RELN: variants seen among roughly 807,000 people sequenced by gnomAD.
RELN encodes the protein reelin.
A neutral mutation model predicts 427.6 loss-of-function variants in RELN; 108 were observed. The ratio of observed to expected loss-of-function variants is 0.25; its 90% CI spans 0.22 to 0.30. The LOEUF (loss-of-function observed/expected upper bound fraction) is 0.30. RELN is among the 10% of genes least tolerant of loss of function. RELN has a pLI of 1.00. For missense variants in RELN, 3,715 were observed against 4,302.8 expected (o/e 0.86, Z 3.82); for synonymous variants, 1,524 against 1,513.4 (o/e 1.01, Z -0.16).
intron 1 of RELN, among the ~76,000 whole-genome samples, chr7:103,939,588 A>G (rs1757274017): frequency 6.6e-6 from 1 of 152,222 alleles, no homozygotes; most frequent in Non-Finnish European, 1.5e-5. Flanking sequence ...AATATGCATC[A>G]AGACCTTTAA....
At chr7:103,677,405 TATAATAATAATAATAATAATAATAATA>T (rs370333905) in intron 11 of RELN, among the ~76,000 whole-genome samples, 1 of 134,438 alleles carries the variant, frequency 7.4e-6, no homozygotes, top group African/African-American at 2.8e-5. Flanking sequence ...GAACTTAAAG[TATAATAATAATAATAATAATAATAATA>T]ATAATAATAA....
At chr7:103,772,554 G>C (rs977039344) in intron 4 of RELN, among the ~76,000 whole-genome samples, 10 of 152,142 alleles carry the variant, frequency 6.6e-5, no homozygotes, top group African/African-American at 2.4e-4. Flanking sequence ...TTATGTATGA[G>C]GGTTGTCTAG....
chr7:103,563,848 C>T lies in RELN; in HGVS notation c.5210+1430G>A, dbSNP rs1830689937. 6.6e-6 allele frequency among the ~76,000 whole-genome samples: 1 copy of T among 152,196 alleles called. No homozygotes were observed. The highest frequency in any genetic ancestry group is 2.4e-5 in the African/African-American group (1 of 41,454). On this transcript the variant is annotated intron_variant, in intron 34 of 64. Transcript: ENST00000428762. The surrounding 1 kb of genome is among the most constrained non-coding windows in gnomAD (Gnocchi z 4.1). ...AATACTTGGAATTATGTTACAATTGCTTACAGTATTTAGTATAGCAATATG... is the reference window on the plus strand; with the variant it reads ...AATACTTGGAATTATGTTACAATTGTTTACAGTATTTAGTATAGCAATATG...
intron 3 of RELN, among the ~76,000 whole-genome samples, chr7:103,813,405 A>C (rs2116346489): frequency 6.6e-6 from 1 of 152,246 alleles, no homozygotes; most frequent in Non-Finnish European, 1.5e-5. Context: ...TCTCTGAAAT[A>C]AGTTAGGAAA....
chr7:103,938,166 C>T (rs1563101495), intron 1 of RELN, among the ~76,000 whole-genome samples: 2 of 151,868 alleles, frequency 1.3e-5, no homozygotes, highest in Non-Finnish European at 2.9e-5. Flanking sequence ...ACTAAAAATA[C>T]AAAAATTAGC....
intron 28 of RELN, among the ~76,000 whole-genome samples, chr7:103,586,191 G>A (rs1049877660): frequency 6.6e-6 from 1 of 151,706 alleles, no homozygotes; most frequent in African/African-American, 2.4e-5. Flanking sequence ...GTGAAATCCC[G>A]TTTCTACTAA....
Position 103,711,497 on chromosome 7 carries a change from A to G in RELN, c.806-10491T>C, listed in dbSNP as rs139226134. On this transcript the variant is annotated intron_variant, in intron 8 of 64. Transcript: ENST00000428762. ...GGCACAATCAAATGTATTTAATGAC[A>G]GGACAAGAATAAAGAGAGAATAAGA... Among the ~76,000 whole-genome samples the G allele has an allele frequency of 4.1e-3, 630 of 152,352 alleles. 16 individuals carry two copies. The highest frequency in any genetic ancestry group is 0.029 in the Admixed American group (437 of 15,306).
intron 3 of RELN, among the ~76,000 whole-genome samples, chr7:103,781,449 A>T (rs1333649405): frequency 6.6e-6 from 1 of 152,212 alleles, no homozygotes; most frequent in African/African-American, 2.4e-5. Context: ...ACATTGACAG[A>T]TAAAATTGTA....
At chr7:103,555,726 G>T (rs571952734) in intron 38 of RELN, among the ~76,000 whole-genome samples, 53 of 152,234 alleles carry the variant, frequency 3.5e-4, no homozygotes, top group African/African-American at 1.3e-3. Flanking sequence ...ACCTGCCTCG[G>T]CCTCCCAAAG....
intron 2 of RELN, among the ~76,000 whole-genome samples, chr7:103,880,004 C>T (rs1020314382): frequency 1.3e-5 from 2 of 151,922 alleles, no homozygotes; most frequent in Non-Finnish European, 2.9e-5. Flanking sequence ...TAAGCATTTT[C>T]CACAAGCTAG....
intron 13 of RELN, among the ~76,000 whole-genome samples, chr7:103,653,442 T>G (rs1041106280): frequency 3.9e-5 from 6 of 152,108 alleles, no homozygotes; most frequent in African/African-American, 7.2e-5. Context: ...AGATGTTAGC[T>G]GCATTTAAGC....
intron 1 of RELN, among the ~76,000 whole-genome samples, chr7:103,987,366 T>C (rs1797124641): frequency 1.3e-5 from 2 of 152,180 alleles, no homozygotes; most frequent in South Asian, 4.1e-4. Flanking sequence ...TTATGGTGAG[T>C]CTTAAGGTGA....
rs565086927 is a variant in RELN at position 103,933,255 on chromosome 7, T to C, written c.227-16070A>G. On this transcript the variant is annotated intron_variant, in intron 1 of 64. Transcript: ENST00000428762. ...AGTTTTGAGTATGCATTACCTTTGT[T>C]TTTGAGATAATTATAATTTTGCATA... Among the ~76,000 whole-genome samples the C allele has an allele frequency of 2.5e-3, 376 of 152,244 alleles. 1 individual carries two copies. The highest frequency in any genetic ancestry group is 8.6e-3 in the African/African-American group (358 of 41,536).
chr7:103,646,140 G>C (rs1832792146), intron 16 of RELN, among the ~76,000 whole-genome samples: 1 of 151,670 alleles, frequency 6.6e-6, no homozygotes. Context: ...TGCTAAGAGA[G>C]AAGGCTATAA....
chr7:103,981,945 C>T lies in RELN; in HGVS notation c.226+7186G>A, dbSNP rs563859146. On this transcript the variant is annotated intron_variant, in intron 1 of 64. Coordinates refer to ENST00000428762, the MANE Select transcript of RELN (RefSeq NM_005045.4). ...ATTTTGGGAGGCCAAGGCAGGTGGA[C>T]CATCTGAGGTCAACAGTTCAAGACC... Among the ~76,000 whole-genome samples, 282 of 152,166 alleles carry T rather than the reference C, an allele frequency of 1.9e-3. 1 individual carries two copies. Among genetic ancestry groups the T allele is most frequent in the African/African-American group, 5.7e-3 (235 of 41,530 alleles).
At chr7:103,602,740 T>G (rs1831703355) in intron 24 of RELN, among the ~76,000 whole-genome samples, 1 of 151,900 alleles carries the variant, frequency 6.6e-6, no homozygotes, top group African/African-American at 2.4e-5. Context: ...AGATGATGAG[T>G]TGATGGGTAC....
intron 57 of RELN, among the ~76,000 whole-genome samples, chr7:103,494,541 A>AT (rs35989965): frequency 3.0e-4 from 38 of 126,174 alleles, no homozygotes; most frequent in East Asian, 1.1e-3. Flanking sequence ...CGCCCAGCTA[A>AT]TTTTTTTTTT....
chr7:103,682,690 T>A (rs1266929132), intron 10 of RELN, among the ~76,000 whole-genome samples: 1 of 152,188 alleles, frequency 6.6e-6, no homozygotes, highest in Non-Finnish European at 1.5e-5. Flanking sequence ...TTTCACAATT[T>A]ATCTGTAAAT....
chr7:103,602,170 T>C (rs1016663805), intron 24 of RELN, among the ~76,000 whole-genome samples: 1 of 152,192 alleles, frequency 6.6e-6, no homozygotes, highest in African/African-American at 2.4e-5. Flanking sequence ...GTGTTCTACA[T>C]GATTTACCAA....
Sources: gnomAD v4.1 joint callset for allele counts (sites outside exome capture counted in the v4.1 genomes callset) on GRCh38, gnomAD v4.1.1 for gene constraint, Gnocchi (gnomAD v3.1) non-coding constraint, MANE v1.5 for transcripts, NCBI Gene and HGNC (gene_info 2026-07-23, HGNC 2026-07-21) for gene names.